Variants in SLC39A12 observed in about 807,000 individuals in gnomAD.
The protein encoded by SLC39A12 is zinc transporter ZIP12.
A neutral mutation model predicts 71.1 loss-of-function variants in SLC39A12; 63 were observed. The ratio of observed to expected loss-of-function variants is 0.89; its 90% CI spans 0.72 to 1.09. The LOEUF (loss-of-function observed/expected upper bound fraction) is 1.09, where lower values mean the gene tolerates loss of function less well. SLC39A12 is among the 50% of genes least tolerant of loss of function. The pLI, the probability that SLC39A12 is intolerant of heterozygous loss-of-function variation, is 0.00. For missense variants in SLC39A12, 892 were observed against 812.6 expected, an observed-to-expected ratio of 1.10 and a Z score of -1.19; for synonymous variants, 351 against 301.3, an observed-to-expected ratio of 1.16 and a Z score of -1.71.
At chr10:17,957,624 C>T (rs193020344) in intron 2 of SLC39A12, among the ~76,000 whole-genome samples, 16 of 152,218 alleles carry the variant, frequency 1.1e-4, no homozygotes, top group Admixed American at 3.9e-4. Context: ...TATCCTCTCC[C>T]AAACACAACT....
intron 12 of SLC39A12, among the ~76,000 whole-genome samples, chr10:18,036,984 A>C (rs34810234): frequency 0.015 from 2,322 of 151,342 alleles, 28 homozygotes; most frequent in Non-Finnish European, 0.023. Context: ...TCTGCGTTTC[A>C]CCATATTGGC....
intron 4 of SLC39A12, among the ~76,000 whole-genome samples, chr10:17,971,270 C>T (rs1278159092): frequency 1.1e-5 from 1 of 90,946 alleles, no homozygotes; most frequent in Non-Finnish European, 2.4e-5. Flanking sequence ...CCCTCCCCTC[C>T]CCTCCCCTCC....
intron 7 of SLC39A12, among the ~76,000 whole-genome samples, chr10:17,989,358 A>G (rs763954347): frequency 2.0e-5 from 3 of 152,248 alleles, no homozygotes; most frequent in Non-Finnish European, 2.9e-5. Context: ...CTCATAATCT[A>G]ATATCCTGGA....
intron 2 of SLC39A12, among the ~76,000 whole-genome samples, chr10:17,958,923 T>A (rs1834617534): frequency 6.6e-6 from 1 of 152,130 alleles, no homozygotes. Context: ...TAATATAGGG[T>A]TCTTATTAAA....
At chr10:17,995,859 TG>T in intron 10 of SLC39A12, 137 bp downstream of exon 10, 1 of 674,312 alleles carries the variant, frequency 1.5e-6, no homozygotes, top group Non-Finnish European at 2.4e-6. Context: ...CAATAGGATT[TG>T]TAATAAAAAC....
At chr10:17,997,313 A>G (rs1489532132) in intron 10 of SLC39A12, among the ~76,000 whole-genome samples, 1 of 152,174 alleles carries the variant, frequency 6.6e-6, no homozygotes, top group Non-Finnish European at 1.5e-5. Context: ...TATAACAACT[A>G]CTGTTCTAAA....
intron 6 of SLC39A12, among the ~76,000 whole-genome samples, chr10:17,983,452 C>A (rs558491426): frequency 4.6e-5 from 7 of 151,972 alleles, no homozygotes; most frequent in Admixed American, 4.6e-4. Context: ...AATGCCATTG[C>A]ACTCCAGTTG....
Position 18,035,339 on chromosome 10 carries a change from G to C in SLC39A12, c.1948-7366G>C, listed in dbSNP as rs535906199. Among the ~76,000 whole-genome samples the C allele has an allele frequency of 9.9e-3, 1,344 of 136,286 alleles. 17 individuals carry two copies. Among genetic ancestry groups the C allele is most frequent in the Middle Eastern group, 0.014 (4 of 286 alleles). The allele number at this position is 136,286 out of a possible 152,430, so 89.4% of individuals were successfully genotyped here. On this transcript the variant is annotated intron_variant, in intron 12 of 12. Transcript: ENST00000377369. ...TAGTCCCATATTTCTTGGAGGCTTT[G>C]CTCATTTCTTTTTATTCTTTTTTCT...
chr10:17,974,821 C>T (rs1835068474), intron 4 of SLC39A12, among the ~76,000 whole-genome samples: 1 of 152,186 alleles, frequency 6.6e-6, no homozygotes, highest in Admixed American at 6.5e-5. Context: ...GTGGTGAAGC[C>T]AGCCAGGCTT....
At chr10:18,028,272 CA>C (rs1197682822) in intron 12 of SLC39A12, among the ~76,000 whole-genome samples, 2 of 152,184 alleles carry the variant, frequency 1.3e-5, no homozygotes, top group East Asian at 3.8e-4. Flanking sequence ...ATTTGAATTG[CA>C]AATTTTTATC....
chr10:17,995,825 T>A (rs2130833107), intron 10 of SLC39A12, 103 bp downstream of exon 10: 2 of 988,264 alleles, frequency 2.0e-6, no homozygotes, highest in East Asian at 5.1e-5. Context: ...ATATTGGGTA[T>A]GTAGTTTATT....
intron 12 of SLC39A12, among the ~76,000 whole-genome samples, chr10:18,024,094 C>T (rs1194347379): frequency 1.3e-5 from 2 of 152,064 alleles, no homozygotes; most frequent in Non-Finnish European, 2.9e-5. Flanking sequence ...TGGCTACTGG[C>T]CCTAGTGCCC....
chr10:17,963,839 C>T (rs1009520540), intron 3 of SLC39A12, among the ~76,000 whole-genome samples: 1 of 152,178 alleles, frequency 6.6e-6, no homozygotes, highest in East Asian at 1.9e-4. Flanking sequence ...CCAAGTGGGC[C>T]TCAACAAGAT....
At chr10:18,015,400 G>T (rs2488108) in intron 12 of SLC39A12, among the ~76,000 whole-genome samples, 106,975 of 151,860 alleles carry the variant, frequency 0.7, 37,981 homozygotes, top group Non-Finnish European at 0.74. Context: ...CTCAAAAGAT[G>T]TTTTTTTCAT....
In SLC39A12 at chr10:17,953,237, C is replaced by A; in HGVS notation, c.-40C>A. On this transcript the variant is annotated 5_prime_UTR_variant, in exon 2 of 13. Transcript: ENST00000377369. ...TACCCCATAAACGGCAACACACTCA[C>A]CTCCATCCAAGACAGACTCAAGGTG... The A allele has an allele frequency of 6.3e-7, 1 of 1,597,274 alleles. No individual in the cohort carries two copies. Among genetic ancestry groups the A allele is most frequent in the Non-Finnish European group, 8.5e-7 (1 of 1,171,064 alleles).
intron 4 of SLC39A12, among the ~76,000 whole-genome samples, chr10:17,976,228 CTTCTA>C (rs1835106085): frequency 6.6e-6 from 1 of 152,038 alleles, no homozygotes; most frequent in Admixed American, 6.6e-5. Flanking sequence ...TTGGTGGAGG[CTTCTA>C]TTCTGCCATC....
rs748197533 is a variant in SLC39A12, at chr10:17,993,224, A to G, written c.1466A>G (p.His489Arg). 13 of 1,551,888 alleles carry G rather than the reference A, an allele frequency of 8.4e-6. No individual in the cohort carries two copies. In the Middle Eastern group the frequency reaches 1.3e-3, roughly 159 times the overall value. The change falls in exon 9 of 13, where the codon CAT becomes CGT. Residue 489 changes from histidine (H) to arginine (R), a missense_variant. Physicochemically the swap from His to Arg is conservative, Grantham distance 29 (BLOSUM62 0). Coordinates refer to ENST00000377369, the MANE Select transcript of SLC39A12 (RefSeq NM_001145195.2). ...LVNGHVGHSH[H>R]LALNSELSDQ... ...AATGGGCACGTGGGTCATTCCCACC[A>G]TCTTGCACTCAACTCTGAATTAAGT...
At chr10:17,959,203 A>G (rs1338228843) in intron 2 of SLC39A12, among the ~76,000 whole-genome samples, 2 of 151,950 alleles carry the variant, frequency 1.3e-5, no homozygotes, top group African/African-American at 2.4e-5. Context: ...CAGCCTTGCC[A>G]TCAGCTACCA....
intron 12 of SLC39A12, among the ~76,000 whole-genome samples, chr10:18,009,463 C>G (rs1362702879): frequency 6.6e-6 from 1 of 152,150 alleles, no homozygotes; most frequent in African/African-American, 2.4e-5. Context: ...CCCTCTTCCC[C>G]CATCAACCTC....
Sources: gnomAD v4.1 joint callset for allele counts (sites outside exome capture counted in the v4.1 genomes callset) on GRCh38, gnomAD v4.1.1 for gene constraint, MANE v1.5 for transcripts, NCBI Gene and HGNC (gene_info 2026-07-23, HGNC 2026-07-21) for gene names.